The following NRXN1 variants were observed in gnomAD, a reference collection of about 807,000 sequenced individuals.
NRXN1 encodes the protein neurexin 1.
Under a neutral mutation model 150.9 loss-of-function variants are expected in NRXN1, and 39 were observed. That is an observed-to-expected ratio of 0.26 (90% CI 0.20 to 0.34). The LOEUF (loss-of-function observed/expected upper bound fraction) is 0.34, where lower values mean the gene tolerates loss of function less well. Among genes scored for constraint, NRXN1 ranks in the 10% least tolerant of loss-of-function variants. The probability of loss-of-function intolerance (pLI) is 1.00; values close to 1 mark genes in which losing one functional copy is unlikely to be tolerated. For synonymous variants in NRXN1, 924 were observed against 757.0 expected, an observed-to-expected ratio of 1.22 and a Z score of -3.62; for missense variants, 1,815 against 1,949.9, an observed-to-expected ratio of 0.93 and a Z score of 1.30.
At chr2:50,498,970 C>T (rs1013134634) in intron 13 of NRXN1, among the ~76,000 whole-genome samples, 7 of 152,106 alleles carry the variant, frequency 4.6e-5, no homozygotes, top group African/African-American at 7.2e-5. Context: ...CAGAATCAGC[C>T]CCTGAGAAAA....
chr2:50,211,047 A>G (rs2152843820), intron 18 of NRXN1, among the ~76,000 whole-genome samples: 1 of 151,694 alleles, frequency 6.6e-6, no homozygotes, highest in East Asian at 1.9e-4. Flanking sequence ...ATCTCTATCC[A>G]TTTTTCTGGC....
intron 5 of NRXN1, among the ~76,000 whole-genome samples, chr2:50,699,779 C>A (rs998796952): frequency 6.6e-5 from 10 of 152,064 alleles, no homozygotes; most frequent in African/African-American, 2.4e-4. Context: ...ACATGATACT[C>A]AGACTTCTGA....
chr2:49,953,498 G>C (rs1173741156), intron 21 of NRXN1, among the ~76,000 whole-genome samples: 1 of 151,856 alleles, frequency 6.6e-6, no homozygotes, highest in East Asian at 1.9e-4. Context: ...ACATATTTAC[G>C]ATGTTGTACT....
intron 18 of NRXN1, among the ~76,000 whole-genome samples, chr2:50,206,114 C>T (rs1466655087): frequency 6.6e-6 from 1 of 151,882 alleles, no homozygotes; most frequent in African/African-American, 2.4e-5. Flanking sequence ...CACCACCTCC[C>T]AAAGAAATAC....
At chr2:50,380,383 T>C (rs927864621) in intron 17 of NRXN1, among the ~76,000 whole-genome samples, 4 of 152,214 alleles carry the variant, frequency 2.6e-5, no homozygotes, top group Admixed American at 6.6e-5. Context: ...ATCTTAACTG[T>C]CAAAATGGTC....
chr2:50,382,496 T>A (rs143885033), intron 17 of NRXN1, among the ~76,000 whole-genome samples: 1 of 152,278 alleles, frequency 6.6e-6, no homozygotes, highest in African/African-American at 2.4e-5. Flanking sequence ...AATACTGGTT[T>A]CTTCAAAAGT....
intron 5 of NRXN1, among the ~76,000 whole-genome samples, chr2:50,683,921 A>T (rs1690844560): frequency 6.6e-6 from 1 of 151,730 alleles, no homozygotes; most frequent in African/African-American, 2.4e-5. Context: ...ATAAAACAGA[A>T]GGCATTAGTT....
intron 18 of NRXN1, among the ~76,000 whole-genome samples, chr2:50,194,947 A>G (rs1476488783): frequency 6.6e-6 from 1 of 152,184 alleles, no homozygotes. Context: ...GAAAGGTATA[A>G]AACTTCACCC....
chr2:50,686,368 C>T (rs1691236631), intron 5 of NRXN1, among the ~76,000 whole-genome samples: 1 of 152,072 alleles, frequency 6.6e-6, no homozygotes. Flanking sequence ...GCAAATTCCT[C>T]TCACACTCCT....
At chr2:50,918,729 A>G in intron 5 of NRXN1, 1 of 328,866 alleles carries the variant, frequency 3.0e-6, no homozygotes, top group East Asian at 4.0e-5. Flanking sequence ...CAAAAGAGAA[A>G]AGACATACTT....
intron 8 of NRXN1, among the ~76,000 whole-genome samples, chr2:50,565,807 T>G (rs2105423721): frequency 6.6e-6 from 1 of 152,280 alleles, no homozygotes; most frequent in Non-Finnish European, 1.5e-5. Flanking sequence ...AGTATAACTG[T>G]CATCAACTCC....
chr2:50,236,760 A>G, intron 18 of NRXN1, 29 bp downstream of exon 18: 1 of 1,608,258 alleles, frequency 6.2e-7, no homozygotes, highest in Non-Finnish European at 8.5e-7. Context: ...TAAAAAGTAA[A>G]AGCTGAATCT....
chr2:50,008,902 AG>A, intron 21 of NRXN1, among the ~76,000 whole-genome samples: 1 of 152,214 alleles, frequency 6.6e-6, no homozygotes, highest in Middle Eastern at 3.4e-3. Flanking sequence ...TGGTTGTGAG[AG>A]GGTGTTATCA....
chr2:50,995,917 A>G (rs183243611), intron 2 of NRXN1, among the ~76,000 whole-genome samples: 1 of 152,164 alleles, frequency 6.6e-6, no homozygotes, highest in East Asian at 1.9e-4. Flanking sequence ...CTTAAAGATA[A>G]TAACTTTTAG....
chr2:50,208,051 G>T (rs546375271), intron 18 of NRXN1, among the ~76,000 whole-genome samples: 1 of 152,234 alleles, frequency 6.6e-6, no homozygotes, highest in African/African-American at 2.4e-5. Context: ...TGCTCCACTA[G>T]TTAGTTGTGG....
intron 18 of NRXN1, chr2:50,174,848 T>C (rs1349398966): frequency 2.6e-5 from 4 of 152,164 alleles, no homozygotes; most frequent in Non-Finnish European, 5.9e-5. Flanking sequence ...ACCAGTCTTG[T>C]AGTCACTGAA....
intron 5 of NRXN1, among the ~76,000 whole-genome samples, chr2:50,764,254 A>G (rs1199565836): frequency 6.6e-6 from 1 of 151,968 alleles, no homozygotes; most frequent in Non-Finnish European, 1.5e-5. Flanking sequence ...CCCTGCCCTT[A>G]TATGATTATA....
At chr2:50,747,817 G>T (rs1022836020) in intron 5 of NRXN1, among the ~76,000 whole-genome samples, 1 of 151,904 alleles carries the variant, frequency 6.6e-6, no homozygotes, top group Non-Finnish European at 1.5e-5. Flanking sequence ...AAAATTGCTG[G>T]CAACATTTTA....
chr2:51,025,246 G>C (rs1460564752), intron 2 of NRXN1, among the ~76,000 whole-genome samples: 1 of 152,092 alleles, frequency 6.6e-6, no homozygotes, highest in African/African-American at 2.4e-5. Context: ...TAATGGATTT[G>C]CTATTCTGAG....
Sources: allele counts gnomAD v4.1 joint callset (sites outside exome capture counted in the v4.1 genomes callset), GRCh38; gene constraint gnomAD v4.1.1; transcripts MANE v1.5; gene names NCBI Gene and HGNC (gene_info 2026-07-23, HGNC 2026-07-21).